KCNJ3: variants seen among roughly 807,000 people sequenced by gnomAD.
The protein encoded by KCNJ3 is potassium inwardly rectifying channel subfamily J member 3.
In KCNJ3, 4 loss-of-function variants were observed where a neutral mutation model predicts 39.2. The observed-to-expected ratio is 0.10, with a 90% CI of 0.05 to 0.23. The LOEUF (loss-of-function observed/expected upper bound fraction) is 0.23, where lower values mean the gene tolerates loss of function less well. Among genes scored for constraint, KCNJ3 ranks in the 10% least tolerant of loss-of-function variants. The pLI, the probability that KCNJ3 is intolerant of heterozygous loss-of-function variation, is 1.00. For missense variants in KCNJ3, 276 were observed against 634.9 expected (o/e 0.43, Z 6.08); for synonymous variants, 230 against 237.4 (o/e 0.97, Z 0.29).
At chr2:154,838,442 A>ATCTT (rs1200817894) in intron 2 of KCNJ3, among the ~76,000 whole-genome samples, 1 of 152,186 alleles carries the variant, frequency 6.6e-6, no homozygotes, top group Non-Finnish European at 1.5e-5. Context: ...GTACCTCAGT[A>ATCTT]TCTTTATCAG....
intron 2 of KCNJ3, among the ~76,000 whole-genome samples, chr2:154,851,455 G>C (rs1157506466): frequency 4.6e-5 from 7 of 152,116 alleles, no homozygotes; most frequent in Non-Finnish European, 1.0e-4. Flanking sequence ...CACCAAGCAA[G>C]GTTCTATGTC....
At chr2:154,848,077 A>C (rs190149509) in intron 2 of KCNJ3, among the ~76,000 whole-genome samples, 5 of 152,324 alleles carry the variant, frequency 3.3e-5, no homozygotes, top group Non-Finnish European at 5.9e-5. Context: ...CAATTTACTT[A>C]ATAACAACTC....
intron 2 of KCNJ3, among the ~76,000 whole-genome samples, chr2:154,761,342 T>C (rs1686042931): frequency 6.6e-6 from 1 of 152,200 alleles, no homozygotes; most frequent in South Asian, 2.1e-4. Flanking sequence ...TGTATATCTA[T>C]GCCTATATCA....
Position 154,701,753 on chromosome 2 carries a change from A to G in KCNJ3, c.702+2276A>G, listed in dbSNP as rs190634368. ...TTTGTTAGGAAGATGTCAGTGCTAGAAGTAAACACGATTTACCTGTGGCAT... is the reference window on the plus strand; with the variant it reads ...TTTGTTAGGAAGATGTCAGTGCTAGGAGTAAACACGATTTACCTGTGGCAT... On this transcript the variant is annotated intron_variant, in intron 1 of 2. Coordinates refer to ENST00000295101, the MANE Select transcript of KCNJ3 (RefSeq NM_002239.4). 1.6e-3 allele frequency among the ~76,000 whole-genome samples: 238 copies of G among 152,200 alleles called. 7 individuals carry two copies. The South Asian group carries it at 0.044, about 28-fold the overall frequency.
At chr2:154,839,679 G>T (rs1484111584) in intron 2 of KCNJ3, among the ~76,000 whole-genome samples, 3 of 152,196 alleles carry the variant, frequency 2.0e-5, no homozygotes, top group Non-Finnish European at 4.4e-5. Context: ...TTTCTCTGAT[G>T]ATCAGTGATG....
intron 2 of KCNJ3, among the ~76,000 whole-genome samples, chr2:154,715,887 T>G (rs1248337029): frequency 1.3e-5 from 2 of 152,166 alleles, no homozygotes; most frequent in Non-Finnish European, 2.9e-5. Flanking sequence ...ATTTACTTTT[T>G]AATAAGGTTA....
At chr2:154,738,523 G>C (rs978925729) in intron 2 of KCNJ3, among the ~76,000 whole-genome samples, 1 of 151,830 alleles carries the variant, frequency 6.6e-6, no homozygotes, top group Non-Finnish European at 1.5e-5. Flanking sequence ...AACATCTCAT[G>C]TACCCCATAA....
intron 1 of KCNJ3, among the ~76,000 whole-genome samples, chr2:154,707,745 C>G (rs1379349181): frequency 6.6e-6 from 1 of 152,124 alleles, no homozygotes; most frequent in Non-Finnish European, 1.5e-5. Context: ...ATTAATTATA[C>G]ACATCAGAAT....
chr2:154,707,331 A>G lies in KCNJ3; in HGVS notation c.703-2272A>G, dbSNP rs140120614. On this transcript the variant is annotated intron_variant, in intron 1 of 2. Coordinates refer to ENST00000295101, the MANE Select transcript of KCNJ3 (RefSeq NM_002239.4). ...AAATCAGAAGGTATATTAAGTCTCA[A>G]TGGAACAGATATATGCATATTTAAG... 9.8e-3 allele frequency among the ~76,000 whole-genome samples: 1,492 copies of G among 152,196 alleles called. 26 individuals are homozygous for G. The highest frequency in any genetic ancestry group is 0.031 in the African/African-American group (1,288 of 41,560).
At chr2:154,725,350 C>T (rs13031525) in intron 2 of KCNJ3, among the ~76,000 whole-genome samples, 6,227 of 150,240 alleles carry the variant, frequency 0.041, 199 homozygotes, top group Non-Finnish European at 0.061. Context: ...TATCTTTTCT[C>T]TGAAAGTTTG....
chr2:154,783,052 C>T (rs1296286659), intron 2 of KCNJ3, among the ~76,000 whole-genome samples: 1 of 152,012 alleles, frequency 6.6e-6, no homozygotes, highest in Non-Finnish European at 1.5e-5. Flanking sequence ...GTCGTGGGCA[C>T]CTGTATTCCC....
At position 154,709,735 on chromosome 2, in the gene KCNJ3, C is replaced by T. The variant is rs1157862584; in HGVS notation, c.835C>T (p.Pro279Ser). ...TTGCCACGTGATCGATGCCAAAAGC[C>T]CCTTTTATGACCTATCCCAGCGAAG... ...TICHVIDAKS[P>S]FYDLSQRSMQ... Residue 279 changes from proline (P) to serine (S), a missense_variant, in exon 2 of 3, where the codon CCC becomes TCC. By Grantham distance (74) the Pro-to-Ser change is moderately conservative. This residue lies in a region of KCNJ3 where 77 missense variants were observed against 200.0 expected (regional missense o/e 0.38). Transcript: ENST00000295101. The T allele has an allele frequency of 2.5e-6, 4 of 1,613,840 alleles. No homozygotes were observed. In the Admixed American group the frequency reaches 6.7e-5, roughly 27 times the overall value.
intron 2 of KCNJ3, among the ~76,000 whole-genome samples, chr2:154,769,903 A>C (rs1686207776): frequency 6.6e-6 from 1 of 152,144 alleles, no homozygotes; most frequent in South Asian, 2.1e-4. Context: ...CCCAAAACTA[A>C]TAATAAATTT....
intron 2 of KCNJ3, among the ~76,000 whole-genome samples, chr2:154,796,063 T>C (rs556014597): frequency 6.6e-6 from 1 of 152,248 alleles, no homozygotes; most frequent in East Asian, 1.9e-4. Context: ...TTAACTATCA[T>C]GTATATAACA....
intron 2 of KCNJ3, among the ~76,000 whole-genome samples, chr2:154,830,531 G>A (rs1165020539): frequency 6.6e-6 from 1 of 152,144 alleles, no homozygotes; most frequent in African/African-American, 2.4e-5. Flanking sequence ...CAAACTTAAT[G>A]TATTTAATCT....
chr2:154,767,851 G>A (rs1686162419), intron 2 of KCNJ3, among the ~76,000 whole-genome samples: 1 of 152,182 alleles, frequency 6.6e-6, no homozygotes, highest in Admixed American at 6.5e-5. Context: ...AACACCTGTT[G>A]TTTCCTGACT....
At chr2:154,797,006 T>C (rs146308126) in intron 2 of KCNJ3, among the ~76,000 whole-genome samples, 1 of 152,292 alleles carries the variant, frequency 6.6e-6, no homozygotes, top group African/African-American at 2.4e-5. Flanking sequence ...GAGCAATGTC[T>C]AGCGAAATGC....
In KCNJ3 at chr2:154,856,970, TG is replaced by T. The variant is rs1687850665; in HGVS notation, c.*1658del. On this transcript the variant is annotated 3_prime_UTR_variant, in exon 3 of 3. Transcript: ENST00000295101. ...GCTAGTTTGGGCTCTCATTATTTCC[TG>T]TTTTTTAACAATTTTGTGATAATTT... 6.6e-6 allele frequency: 1 copy of T among 152,214 alleles called. No individual in the cohort carries two copies. Among genetic ancestry groups the T allele is most frequent in the African/African-American group, 2.4e-5 (1 of 41,456 alleles). 9.4% of individuals were successfully genotyped at this position (152,214 alleles called of 1,614,324 possible).
At chr2:154,781,802 G>A (rs564672858) in intron 2 of KCNJ3, among the ~76,000 whole-genome samples, 1 of 152,260 alleles carries the variant, frequency 6.6e-6, no homozygotes, top group South Asian at 2.1e-4. Context: ...ATGTAAATGT[G>A]GAGTATATCT....
Sources: gnomAD v4.1 joint callset for allele counts (sites outside exome capture counted in the v4.1 genomes callset) on GRCh38, gnomAD v4.1.1 for gene constraint, gnomAD v4.1.1 regional missense constraint, MANE v1.5 for transcripts, NCBI Gene and HGNC (gene_info 2026-07-23, HGNC 2026-07-21) for gene names.